The following THAP4 variants were observed in gnomAD, a reference collection of about 807,000 sequenced individuals.
THAP4 encodes the protein THAP domain containing 4.
THAP4 carries 18 observed loss-of-function variants against 48.1 expected under a neutral mutation model. The observed-to-expected ratio is 0.37, with a 90% CI of 0.26 to 0.56. The LOEUF is 0.56. Ranked by LOEUF, THAP4 falls within the 20% of genes least tolerant of loss-of-function variation. The probability of loss-of-function intolerance (pLI) is 0.78; values close to 1 mark genes in which losing one functional copy is unlikely to be tolerated. For synonymous variants in THAP4, 345 were observed against 324.9 expected, an observed-to-expected ratio of 1.06 and a Z score of -0.66; for missense variants, 656 against 774.9, an observed-to-expected ratio of 0.85 and a Z score of 1.82.
At position 241,602,982 on chromosome 2, in the gene THAP4, C is replaced by T. The variant is rs756590530; in HGVS notation, c.1498G>A (p.Ala500Thr). 8.1e-6 allele frequency: 13 copies of T among 1,613,614 alleles called. No individual in the cohort carries two copies. The highest frequency in any genetic ancestry group is 1.1e-5 in the South Asian group (1 of 91,076). The change falls in exon 4 of 6, where the codon GCC becomes ACC. Residue 500 changes from alanine (A) to threonine (T), a missense_variant. Transcript: ENST00000407315. ...PDTNKVAFVSAQNTGVVEVEE... is the reference protein window; with the variant it reads ...PDTNKVAFVSTQNTGVVEVEE... The stretch of plus-strand genomic sequence containing the variant: ...AGCTGGGCCTCACCTGTGTTCTGGG[C>T]GCTGACAAAGGCCACCTTGTTGGTG...
upstream of THAP4, chr2:241,637,211 T>C (rs2067687800): frequency 1.0e-6 from 1 of 969,922 alleles, no homozygotes; most frequent in South Asian, 4.5e-5. Flanking sequence ...CCCGCCCGCG[T>C]CCTCGCCAGC....
At chr2:241,636,850 C>T (rs1408106413) in intron 1 of THAP4, 91 bp downstream of exon 1, 4 of 774,770 alleles carry the variant, frequency 5.2e-6, no homozygotes, top group East Asian at 1.3e-4. Context: ...GCCCGGCGCC[C>T]CCGCCCCCCG....
At chr2:241,588,842 T>C (rs1379041394) in intron 5 of THAP4, among the ~76,000 whole-genome samples, 1 of 152,198 alleles carries the variant, frequency 6.6e-6, no homozygotes, top group Admixed American at 6.5e-5. Context: ...AAATCTTTGC[T>C]GCCTGGGCTA....
chr2:241,606,084 T>G (rs1016311095), intron 3 of THAP4, among the ~76,000 whole-genome samples: 1 of 152,218 alleles, frequency 6.6e-6, no homozygotes, highest in Non-Finnish European at 1.5e-5. Context: ...AGCCTGTAAT[T>G]TGGTGGTCAG....
chr2:241,614,945 T>A (rs1192352869), intron 2 of THAP4, among the ~76,000 whole-genome samples: 2 of 152,056 alleles, frequency 1.3e-5, no homozygotes, highest in Non-Finnish European at 2.9e-5. Context: ...TTCTTCAAGT[T>A]CCTCTGGAAC....
At chr2:241,625,796 T>TC (rs2067488854) in intron 2 of THAP4, among the ~76,000 whole-genome samples, 2 of 15,984 alleles carry the variant, frequency 1.3e-4, no homozygotes, top group East Asian at 1.4e-3. Flanking sequence ...AGACTCCGTC[T>TC]CAAAAAAAAA....
chr2:241,621,278 G>A (rs1455594872), intron 2 of THAP4, among the ~76,000 whole-genome samples: 4 of 152,144 alleles, frequency 2.6e-5, no homozygotes, highest in African/African-American at 9.7e-5. Flanking sequence ...AGCCCAGGAA[G>A]CAGAGGTTGC....
intron 2 of THAP4, among the ~76,000 whole-genome samples, chr2:241,608,276 C>T (rs911009032): frequency 1.9e-4 from 29 of 152,328 alleles, no homozygotes; most frequent in African/African-American, 7.0e-4. Context: ...GTAATGAGCA[C>T]TCTGCCTGCT....
chr2:241,630,181 G>A (rs1301099507), intron 2 of THAP4, among the ~76,000 whole-genome samples: 2 of 152,080 alleles, frequency 1.3e-5, no homozygotes, highest in African/African-American at 2.4e-5. Context: ...AATAACCACA[G>A]GGTTAAAGGG....
At position 241,610,838 on chromosome 2, in the gene THAP4, ACAGAGAGACAGGGC is replaced by A. The variant is rs1160924775; in HGVS notation, c.1241-4379_1241-4366del. Among the ~76,000 whole-genome samples, 5 of 151,840 alleles carry A rather than the reference ACAGAGAGACAGGGC, an allele frequency of 3.3e-5. No homozygotes were observed. The highest frequency in any genetic ancestry group is 1.2e-4 in the African/African-American group (5 of 41,256). On this transcript the variant is annotated intron_variant, in intron 2 of 5. Coordinates refer to ENST00000407315, the MANE Select transcript of THAP4 (RefSeq NM_015963.6). This position sits in a 1 kb window ranked among gnomAD's most constrained non-coding sequence, Gnocchi z 4.2. ...ACGGGACGGGGACAGAGACACAGAG[ACAGAGAGACAGGGC>A]CAGAGAGACACGGGGATGGGGCCAG... is the stretch of plus-strand genomic sequence containing the variant.
chr2:241,603,111 G>T, intron 3 of THAP4, 32 bp from the exon 4 acceptor site: 1 of 1,573,402 alleles, frequency 6.4e-7, no homozygotes, highest in Non-Finnish European at 8.7e-7. Flanking sequence ...AGAAGCCCAG[G>T]CACTGGCCTC....
chr2:241,629,508 T>C (rs1394758477), intron 2 of THAP4, among the ~76,000 whole-genome samples: 1 of 149,452 alleles, frequency 6.7e-6, no homozygotes, highest in African/African-American at 2.5e-5. Flanking sequence ...TTGAAACATA[T>C]CCACTAGAAG....
At chr2:241,623,248 C>A (rs932562544) in intron 2 of THAP4, among the ~76,000 whole-genome samples, 1 of 151,310 alleles carries the variant, frequency 6.6e-6, no homozygotes, top group East Asian at 1.9e-4. Context: ...AAAACAACAA[C>A]AAAAAAACCC....
At chr2:241,630,844 G>A (rs2067548938) in intron 2 of THAP4, among the ~76,000 whole-genome samples, 1 of 151,518 alleles carries the variant, frequency 6.6e-6, no homozygotes, top group African/African-American at 2.4e-5. Flanking sequence ...TAGCCAACAT[G>A]GTGAAACATC....
At position 241,632,900 on chromosome 2, in the gene THAP4, G is replaced by A. The variant is rs201316803; in HGVS notation, c.1240+17C>T. 27 of 1,553,998 alleles carry A rather than the reference G, an allele frequency of 1.7e-5. No individual in the cohort carries two copies. Among genetic ancestry groups the A allele is most frequent in the Admixed American group, 1.2e-4 (6 of 50,936 alleles). On this transcript the variant is annotated intron_variant, in intron 2 of 5. Transcript: ENST00000407315. ...TAACGGGAAGGGAACATGGGTACGC[G>A]AGGCTCCGGTACTGACCGCGGCTGG...
intron 5 of THAP4, among the ~76,000 whole-genome samples, chr2:241,588,558 T>C (rs1488458264): frequency 6.6e-6 from 1 of 152,186 alleles, no homozygotes; most frequent in African/African-American, 2.4e-5. Context: ...CAAGACAGCA[T>C]GGTAACAGTA....
chr2:241,596,217 C>T (rs1025791228), intron 5 of THAP4, among the ~76,000 whole-genome samples: 13 of 152,036 alleles, frequency 8.6e-5, no homozygotes, highest in Admixed American at 2.6e-4. Flanking sequence ...AAATTAAAAG[C>T]AACTTGGGGC....
chr2:241,609,899 C>G (rs1367567855), intron 2 of THAP4, among the ~76,000 whole-genome samples: 8 of 152,252 alleles, frequency 5.3e-5, no homozygotes. Flanking sequence ...CTCCTGGGAC[C>G]GGGTGGACCC....
chr2:241,595,591 G>A (rs1309225307), intron 5 of THAP4, among the ~76,000 whole-genome samples: 1 of 151,730 alleles, frequency 6.6e-6, no homozygotes, highest in African/African-American at 2.4e-5. Flanking sequence ...GAGCTGAGAT[G>A]GCGCCACTGC....
Sources: gnomAD v4.1 joint callset for allele counts (sites outside exome capture counted in the v4.1 genomes callset) on GRCh38, gnomAD v4.1.1 for gene constraint, Gnocchi (gnomAD v3.1) non-coding constraint, MANE v1.5 for transcripts, NCBI Gene and HGNC (gene_info 2026-07-23, HGNC 2026-07-21) for gene names.